NRG3: variants seen among roughly 807,000 people sequenced by gnomAD.
NRG3 encodes the protein pro-neuregulin-3, membrane-bound isoform.
In NRG3, 31 loss-of-function variants were observed where a neutral mutation model predicts 66.9. That is an observed-to-expected ratio of 0.46 (90% CI 0.35 to 0.63). The LOEUF (loss-of-function observed/expected upper bound fraction) is 0.63, where lower values mean the gene tolerates loss of function less well. Among genes scored for constraint, NRG3 ranks in the 20% least tolerant of loss-of-function variants. The pLI, the probability that NRG3 is intolerant of heterozygous loss-of-function variation, is 0.00. For missense variants in NRG3, 910 were observed against 878.9 expected, an observed-to-expected ratio of 1.04 and a Z score of -0.45; for synonymous variants, 393 against 359.4, an observed-to-expected ratio of 1.09 and a Z score of -1.06.
chr10:82,197,121 G>A (rs1406470525), intron 1 of NRG3, among the ~76,000 whole-genome samples: 1 of 152,176 alleles, frequency 6.6e-6, no homozygotes, highest in Non-Finnish European at 1.5e-5. Flanking sequence ...TGTGACTGCA[G>A]TCAAGATGAG....
intron 2 of NRG3, among the ~76,000 whole-genome samples, chr10:82,388,982 A>G (rs1305720781): frequency 6.6e-6 from 1 of 152,200 alleles, no homozygotes; most frequent in African/African-American, 2.4e-5. Flanking sequence ...GTTAGTCTTA[A>G]ACCAAGATTC....
At chr10:82,455,553 G>A (rs989092230) in intron 2 of NRG3, among the ~76,000 whole-genome samples, 7 of 151,952 alleles carry the variant, frequency 4.6e-5, no homozygotes, top group African/African-American at 7.3e-5. Context: ...TGAATGTGAA[G>A]GCCTGTTTAC....
intron 2 of NRG3, among the ~76,000 whole-genome samples, chr10:82,552,857 A>G (rs1050149538): frequency 2.0e-5 from 3 of 152,162 alleles, no homozygotes; most frequent in Non-Finnish European, 4.4e-5. Flanking sequence ...ATAAGAGACA[A>G]AGACCAAACT....
At chr10:82,318,255 CA>C (rs1194740200) in intron 1 of NRG3, among the ~76,000 whole-genome samples, 1 of 152,038 alleles carries the variant, frequency 6.6e-6, no homozygotes, top group Non-Finnish European at 1.5e-5. Context: ...ATTTAGGAAC[CA>C]AAGGTGGAGG....
At chr10:82,643,019 A>G (rs1459793495) in intron 2 of NRG3, among the ~76,000 whole-genome samples, 1 of 152,096 alleles carries the variant, frequency 6.6e-6, no homozygotes, top group African/African-American at 2.4e-5. Context: ...CCACAAGATA[A>G]CCATTTATTA....
chr10:82,201,072 C>A (rs2133482509), intron 1 of NRG3, among the ~76,000 whole-genome samples: 1 of 151,928 alleles, frequency 6.6e-6, no homozygotes, highest in Non-Finnish European at 1.5e-5. Context: ...TGACAGGCGC[C>A]TGTTCTTCCA....
intron 2 of NRG3, among the ~76,000 whole-genome samples, chr10:82,441,854 G>A (rs1047438286): frequency 2.6e-5 from 4 of 152,150 alleles, no homozygotes; most frequent in African/African-American, 4.8e-5. Flanking sequence ...CTTACTAAAC[G>A]TTGAGGATAT....
Position 82,270,710 on chromosome 10 carries a change from T to G in NRG3, c.824-88029T>G, listed in dbSNP as rs546211491. Among the ~76,000 whole-genome samples the G allele has an allele frequency of 2.6e-5, 4 of 152,188 alleles. No homozygotes were observed. The East Asian group carries it at 7.8e-4, about 30-fold the overall frequency. On this transcript the variant is annotated intron_variant, in intron 1 of 8. Transcript: ENST00000372141. Reference sequence around the variant, plus strand: ...GATTGATGGTAGCTGCTTAGAGAGATGACAAGAATTCTGGGGCCACATCTA... The same window carrying G: ...GATTGATGGTAGCTGCTTAGAGAGAGGACAAGAATTCTGGGGCCACATCTA...
At position 82,427,485 on chromosome 10, in the gene NRG3, C is replaced by T. The variant is rs1004067702; in HGVS notation, c.953+68617C>T. Among the ~76,000 whole-genome samples, 6 of 151,982 alleles carry T rather than the reference C, an allele frequency of 3.9e-5. No homozygotes were observed. The East Asian group carries it at 5.8e-4, about 15-fold the overall frequency. On this transcript the variant is annotated intron_variant, in intron 2 of 8. Transcript: ENST00000372141. ...AGTCTATTGATATGATGTATTACATCGATTAATTTTTGGATATTAAGACAA... is the reference window on the plus strand; with the variant it reads ...AGTCTATTGATATGATGTATTACATTGATTAATTTTTGGATATTAAGACAA...
At chr10:82,897,102 G>C (rs1404252359) in intron 4 of NRG3, among the ~76,000 whole-genome samples, 1 of 152,172 alleles carries the variant, frequency 6.6e-6, no homozygotes, top group Non-Finnish European at 1.5e-5. Context: ...CAACAACATG[G>C]TTTGAATGAA....
intron 1 of NRG3, among the ~76,000 whole-genome samples, chr10:81,930,213 A>T (rs1847205058): frequency 6.6e-6 from 1 of 152,130 alleles, no homozygotes; most frequent in East Asian, 1.9e-4. Context: ...TTCAGTTCTC[A>T]TAACCATCTG....
intron 2 of NRG3, among the ~76,000 whole-genome samples, chr10:82,430,410 A>T (rs1166466479): frequency 6.6e-6 from 1 of 151,618 alleles, no homozygotes; most frequent in Non-Finnish European, 1.5e-5. Flanking sequence ...GGCACCCACC[A>T]CCATGCCTGG....
chr10:82,209,778 C>G (rs892787944), intron 1 of NRG3, among the ~76,000 whole-genome samples: 2 of 152,062 alleles, frequency 1.3e-5, no homozygotes, highest in Non-Finnish European at 2.9e-5. Flanking sequence ...ACCTATTGAT[C>G]TTTCATTTTA....
intron 3 of NRG3, among the ~76,000 whole-genome samples, chr10:82,817,811 G>A (rs2061778916): frequency 6.6e-6 from 1 of 152,214 alleles, no homozygotes; most frequent in Admixed American, 6.5e-5. Context: ...CTTTTACATG[G>A]TAGCTGCTGA....
At chr10:82,004,022 C>CAT (rs2061282506) in intron 1 of NRG3, among the ~76,000 whole-genome samples, 1 of 149,956 alleles carries the variant, frequency 6.7e-6, no homozygotes, top group African/African-American at 2.5e-5. Context: ...CACACACACA[C>CAT]ACACACACAC....
At chr10:82,331,899 G>T (rs2082153879) in intron 1 of NRG3, among the ~76,000 whole-genome samples, 1 of 152,212 alleles carries the variant, frequency 6.6e-6, no homozygotes, top group African/African-American at 2.4e-5. Flanking sequence ...GAACAAGCTG[G>T]ATGCCAAGGA....
At chr10:82,917,970 G>GTGTA (rs1554841532) in intron 4 of NRG3, among the ~76,000 whole-genome samples, 151 of 113,984 alleles carry the variant, frequency 1.3e-3, no homozygotes, top group East Asian at 9.5e-3. Context: ...GTGTGTGTGT[G>GTGTA]TATATATATA....
intron 1 of NRG3, among the ~76,000 whole-genome samples, chr10:82,239,986 A>AT (rs900833001): frequency 4.6e-5 from 7 of 150,852 alleles, no homozygotes; most frequent in East Asian, 1.9e-4. Context: ...GTGTACTGGT[A>AT]TTTTTTTTAA....
chr10:82,625,292 G>A (rs943193134), intron 2 of NRG3, among the ~76,000 whole-genome samples: 2 of 151,290 alleles, frequency 1.3e-5, no homozygotes, highest in Non-Finnish European at 2.9e-5. Flanking sequence ...ACTGCTTTTA[G>A]TTAGAAAAGA....
Sources: allele counts gnomAD v4.1 joint callset (sites outside exome capture counted in the v4.1 genomes callset), GRCh38; gene constraint gnomAD v4.1.1; transcripts MANE v1.5; gene names NCBI Gene and HGNC (gene_info 2026-07-23, HGNC 2026-07-21).